Variants in CALN1 observed in about 807,000 individuals in gnomAD.
CALN1 encodes calneuron 1, also known as calcium-binding protein 8.
Under a neutral mutation model 30.6 loss-of-function variants are expected in CALN1, and 17 were observed. That is an observed-to-expected ratio of 0.56 (90% confidence interval 0.38 to 0.83). The LOEUF (loss-of-function observed/expected upper bound fraction) is 0.83, where lower values mean the gene tolerates loss of function less well. CALN1 is among the 40% of genes least tolerant of loss of function. CALN1 has a pLI of 0.00. For missense variants in CALN1, 291 were observed against 354.9 expected, an observed-to-expected ratio of 0.82 and a Z score of 1.45; for synonymous variants, 156 against 131.4, an observed-to-expected ratio of 1.19 and a Z score of -1.28.
chr7:72,432,766 G>C (rs575133807), intron 1 of CALN1, among the ~76,000 whole-genome samples: 47 of 152,262 alleles, frequency 3.1e-4, no homozygotes, highest in African/African-American at 1.1e-3. Flanking sequence ...CAGTGCACCA[G>C]GGCTCTCTGA....
At chr7:71,932,091 C>G (rs1344152267) in intron 5 of CALN1, among the ~76,000 whole-genome samples, 2 of 152,166 alleles carry the variant, frequency 1.3e-5, no homozygotes, top group African/African-American at 2.4e-5. Context: ...CTGGAGGTAG[C>G]CGCCTTGGAG....
chr7:71,790,616 C>T (rs1793326753), intron 6 of CALN1, among the ~76,000 whole-genome samples: 1 of 152,170 alleles, frequency 6.6e-6, no homozygotes, highest in African/African-American at 2.4e-5. Flanking sequence ...CATCTGTGCC[C>T]TTGAGGTCGG....
rs560999014 is a variant in CALN1, at chr7:71,993,673, T to G, written c.501+29984A>C. ...TGTTTCACCATGTTGGGCAGGCTGG[T>G]CTCGAACTCCTGGGCTCAAGTAATC... On this transcript the variant is annotated intron_variant, in intron 5 of 6. Transcript: ENST00000395275. Among the ~76,000 whole-genome samples, 84 of 152,170 alleles carry G rather than the reference T, an allele frequency of 5.5e-4. 2 individuals carry two copies. The highest frequency in any genetic ancestry group is 4.7e-3 in the Admixed American group (72 of 15,282).
intron 4 of CALN1, among the ~76,000 whole-genome samples, chr7:72,067,101 C>G (rs981061088): frequency 5.9e-5 from 9 of 152,014 alleles, no homozygotes; most frequent in Non-Finnish European, 1.2e-4. Context: ...AACTATAATT[C>G]TTAAGTACTT....
intron 6 of CALN1, among the ~76,000 whole-genome samples, chr7:71,804,123 T>C (rs1262917040): frequency 6.6e-6 from 1 of 152,208 alleles, no homozygotes; most frequent in African/African-American, 2.4e-5. Flanking sequence ...GTAGAAGGAA[T>C]AGTCAATATT....
chr7:72,181,102 C>CA (rs940531792), intron 3 of CALN1, among the ~76,000 whole-genome samples: 24 of 83,826 alleles, frequency 2.9e-4, no homozygotes, highest in African/African-American at 8.9e-4. Flanking sequence ...CATAACCCCC[C>CA]CCCCCCCCAA....
intron 5 of CALN1, among the ~76,000 whole-genome samples, chr7:71,949,116 G>T (rs931135842): frequency 7.9e-5 from 12 of 151,372 alleles, no homozygotes; most frequent in African/African-American, 2.9e-4. Context: ...TGACAGTGCG[G>T]TCTGGACTGA....
intron 2 of CALN1, among the ~76,000 whole-genome samples, chr7:72,377,120 T>G (rs928769203): frequency 3.9e-5 from 6 of 152,220 alleles, no homozygotes; most frequent in Admixed American, 2.0e-4. Context: ...AATCAGAAAG[T>G]GAGTCCTCCA....
chr7:71,941,227 G>A (rs1796113181), intron 5 of CALN1, among the ~76,000 whole-genome samples: 1 of 149,544 alleles, frequency 6.7e-6, no homozygotes, highest in Non-Finnish European at 1.5e-5. Flanking sequence ...GCAGGTGCCT[G>A]TAATCCCAGC....
At chr7:71,946,201 A>T (rs1471886678) in intron 5 of CALN1, among the ~76,000 whole-genome samples, 1 of 152,134 alleles carries the variant, frequency 6.6e-6, no homozygotes, top group Non-Finnish European at 1.5e-5. Context: ...ACAAGAAAAA[A>T]AGTTTCTCCA....
chr7:72,051,523 T>A (rs1192711208), intron 4 of CALN1, among the ~76,000 whole-genome samples: 1 of 152,186 alleles, frequency 6.6e-6, no homozygotes, highest in Non-Finnish European at 1.5e-5. Flanking sequence ...TTTCCTGTTG[T>A]TGAGAAATAG....
intron 3 of CALN1, among the ~76,000 whole-genome samples, chr7:72,198,162 C>G (rs1791163582): frequency 6.6e-6 from 1 of 152,050 alleles, no homozygotes; most frequent in South Asian, 2.1e-4. Flanking sequence ...AAGCAACATG[C>G]TTAGAAGGAA....
intron 3 of CALN1, among the ~76,000 whole-genome samples, chr7:72,205,634 T>C (rs1791822057): frequency 7.0e-6 from 1 of 141,994 alleles, no homozygotes; most frequent in Admixed American, 7.3e-5. Flanking sequence ...TTATCTCAAT[T>C]TGTCAGGCTG....
chr7:72,208,348 A>G (rs1184421987), intron 3 of CALN1, among the ~76,000 whole-genome samples: 1 of 152,214 alleles, frequency 6.6e-6, no homozygotes, highest in Middle Eastern at 3.2e-3. Context: ...GGTTTCTAAT[A>G]AGTTTGGTTT....
intron 5 of CALN1, among the ~76,000 whole-genome samples, chr7:71,941,461 G>A (rs995096400): frequency 6.6e-6 from 1 of 152,014 alleles, no homozygotes; most frequent in African/African-American, 2.4e-5. Context: ...ATGGTACCTA[G>A]ATAACAAGAC....
chr7:72,015,838 T>C (rs1800346002), intron 5 of CALN1, among the ~76,000 whole-genome samples: 3 of 152,148 alleles, frequency 2.0e-5, no homozygotes, highest in Admixed American at 2.0e-4. Context: ...GCTTCCCATA[T>C]TCCATTTTTC....
At chr7:72,162,083 A>G (rs558542229) in intron 3 of CALN1, among the ~76,000 whole-genome samples, 139 of 151,732 alleles carry the variant, frequency 9.2e-4, no homozygotes, top group African/African-American at 3.0e-3. Context: ...TATAAGACAG[A>G]GACAAACTTA....
intron 5 of CALN1, among the ~76,000 whole-genome samples, chr7:71,839,848 T>C (rs1194998237): frequency 6.6e-6 from 1 of 152,198 alleles, no homozygotes; most frequent in East Asian, 1.9e-4. Flanking sequence ...TCACTCTTGC[T>C]GCATTCTCTG....
intron 3 of CALN1, among the ~76,000 whole-genome samples, chr7:72,242,595 A>G (rs1377721923): frequency 6.6e-6 from 1 of 152,210 alleles, no homozygotes; most frequent in Non-Finnish European, 1.5e-5. Flanking sequence ...TGGTTGAAAT[A>G]TTAAAATTAA....
Sources: gnomAD v4.1 joint callset for allele counts (sites outside exome capture counted in the v4.1 genomes callset) on GRCh38, gnomAD v4.1.1 for gene constraint, MANE v1.5 for transcripts, NCBI Gene and HGNC (gene_info 2026-07-23, HGNC 2026-07-21) for gene names.